DUSP15: variants seen among roughly 807,000 people sequenced by gnomAD.
DUSP15 encodes dual specificity phosphatase 15.
Under a neutral mutation model 26.3 loss-of-function variants are expected in DUSP15, and 23 were observed. The ratio of observed to expected loss-of-function variants is 0.87; its 90% CI spans 0.63 to 1.24. The LOEUF (loss-of-function observed/expected upper bound fraction) is 1.24. Ranked by LOEUF, DUSP15 falls within the 50% of genes most tolerant of loss-of-function variation. The pLI, the probability that DUSP15 is intolerant of heterozygous loss-of-function variation, is 0.00. For missense variants in DUSP15, 364 were observed against 320.6 expected, an observed-to-expected ratio of 1.14 and a Z score of -1.03; for synonymous variants, 143 against 135.5, an observed-to-expected ratio of 1.06 and a Z score of -0.39.
intron 2 of DUSP15, 31 bp downstream of exon 2, chr20:31,869,533 A>G: frequency 6.2e-7 from 1 of 1,606,932 alleles, no homozygotes; most frequent in Non-Finnish European, 8.5e-7. Flanking sequence ...GCAGAGTGCC[A>G]TGGCCTCGGG....
chr20:31,861,693 G>T lies in DUSP15; in HGVS notation c.436-18C>A. ...CGGCGAAGCTGGGGTGGGCGGGTGAGGTGGGCGGGGTCAAGGCCGGCGCGG... is the reference window on the plus strand; with the variant it reads ...CGGCGAAGCTGGGGTGGGCGGGTGATGTGGGCGGGGTCAAGGCCGGCGCGG... On this transcript the variant is annotated intron_variant, in intron 6 of 6. Coordinates refer to ENST00000339738, the MANE Select transcript of DUSP15 (RefSeq NM_080611.5). The T allele has an allele frequency of 1.5e-6, 2 of 1,342,336 alleles. No homozygotes were observed. The highest frequency in any genetic ancestry group is 1.9e-6 in the Non-Finnish European group (2 of 1,055,722). The allele number at this position is 1,342,336 out of a possible 1,614,324, so 83.2% of individuals were successfully genotyped here. A position where few individuals can be genotyped will look rare whatever the true frequency, so the allele number is the denominator to read the frequency against.
Position 31,870,389 on chromosome 20 carries a change from G to T in DUSP15, c.-52C>A. 1 of 1,279,802 alleles carries T rather than the reference G, an allele frequency of 7.8e-7. No homozygotes were observed. The highest frequency in any genetic ancestry group is 9.9e-7 in the Non-Finnish European group (1 of 1,013,792). 79.3% of individuals were successfully genotyped at this position (1,279,802 alleles called of 1,614,324 possible). A position where few individuals can be genotyped will look rare whatever the true frequency, so the allele number is the denominator to read the frequency against. On this transcript the variant is annotated 5_prime_UTR_variant, in exon 1 of 7. Coordinates refer to ENST00000339738, the MANE Select transcript of DUSP15 (RefSeq NM_080611.5). This position sits in a 1 kb window ranked among gnomAD's most constrained non-coding sequence, Gnocchi z 6.6. The stretch of plus-strand genomic sequence containing the variant: ...ACCCCCAGCTCGCCGCCCGGGAAGC[G>T]ATCCGGTCACAGCTGCCCTGACGGC...
chr20:31,852,638 G>A (rs2062490625), intron 6 of DUSP15, among the ~76,000 whole-genome samples: 1 of 152,110 alleles, frequency 6.6e-6, no homozygotes, highest in Non-Finnish European at 1.5e-5. Context: ...GTGAAACCCT[G>A]TCTCTACTAA....
Position 31,861,634 on chromosome 20 carries a change from G to T in DUSP15, c.477C>A (p.Phe159Leu), listed in dbSNP as rs1289142756. 7.4e-7 allele frequency: 1 copy of T among 1,352,034 alleles called. No homozygotes were observed. The allele number at this position is 1,352,034 out of a possible 1,614,324, so 83.8% of individuals were successfully genotyped here. ...GCGCGCGCAACTCCTCCTCGTCGCG[G>T]AAGGGGCTCTCGCCGAAGCGCTCCT... ...QLEERFGESPFRDEEELRALL... is the reference protein window; with the variant it reads ...QLEERFGESPLRDEEELRALL... The change falls in exon 7 of 7, where the codon TTC becomes TTA. Residue 159 changes from phenylalanine to leucine, a missense_variant. Coordinates refer to ENST00000339738, the MANE Select transcript of DUSP15 (RefSeq NM_080611.5).
exon 7 of DUSP15, chr20:31,850,673 C>T: frequency 6.2e-7 from 1 of 1,611,112 alleles, no homozygotes; most frequent in Non-Finnish European, 8.5e-7. Context: ...CTATGTCTGG[C>T]ACCCTGGTGA....
At chr20:31,850,916 G>A (rs971975383) in intron 6 of DUSP15, among the ~76,000 whole-genome samples, 5 of 152,194 alleles carry the variant, frequency 3.3e-5, no homozygotes, top group Non-Finnish European at 7.3e-5. Flanking sequence ...TGGGAGAAGA[G>A]GCTGTGAGGG....
At chr20:31,849,788 G>A in exon 8 of DUSP15, 1 of 1,540,686 alleles carries the variant, frequency 6.5e-7, no homozygotes, top group Non-Finnish European at 8.7e-7. Context: ...GGCCGCCCGC[G>A]GACTCAGACG....
At chr20:31,867,597 G>A (rs567901841) in intron 2 of DUSP15, among the ~76,000 whole-genome samples, 2 of 139,188 alleles carry the variant, frequency 1.4e-5, no homozygotes, top group South Asian at 4.9e-4. Flanking sequence ...ATTAAAAAGA[G>A]TTCTATATGC....
chr20:31,848,770 G>C (rs1198998231), intron 9 of DUSP15: 13 of 1,586,948 alleles, frequency 8.2e-6, no homozygotes, highest in Non-Finnish European at 1.0e-5. Context: ...GGACTGGAGG[G>C]CGTGCTTCTT....
exon 8 of DUSP15, chr20:31,849,756 G>T: frequency 6.5e-7 from 1 of 1,540,478 alleles, no homozygotes; most frequent in African/African-American, 1.4e-5. Flanking sequence ...ACGTGAGGTG[G>T]CGGCCCCAGC....
At chr20:31,858,489 G>T (rs985132771), downstream of DUSP15, among the ~76,000 whole-genome samples, 3 of 152,156 alleles carry the variant, frequency 2.0e-5, no homozygotes, top group Non-Finnish European at 4.4e-5. The surrounding 1 kb of genome is among the most constrained non-coding windows in gnomAD (Gnocchi z 4.4). Flanking sequence ...TTTCTGTTTT[G>T]TCCCCTCTCT....
downstream of DUSP15, among the ~76,000 whole-genome samples, chr20:31,846,203 G>C (rs1312468565): frequency 7.0e-6 from 1 of 143,446 alleles, no homozygotes; most frequent in Admixed American, 7.0e-5. Context: ...GACACACACA[G>C]ACACATAGGC....
intron 5 of DUSP15, chr20:31,863,560 G>A (rs2062705690): frequency 4.2e-6 from 1 of 240,712 alleles, no homozygotes; most frequent in Non-Finnish European, 8.2e-6. Context: ...CACCTCCAAG[G>A]CCTGGAGGGG....
exon 10 of DUSP15, chr20:31,847,880 G>A (rs1264768497): frequency 6.6e-6 from 1 of 152,276 alleles, no homozygotes; most frequent in Admixed American, 6.5e-5. Context: ...AAAGCCCAGG[G>A]TTCGGCCAAG....
Position 31,870,307 on chromosome 20 carries a change from C to A in DUSP15, c.21+10G>T. The A allele has an allele frequency of 1.6e-6, 2 of 1,245,868 alleles. No homozygotes were observed. Among genetic ancestry groups the A allele is most frequent in the East Asian group, 6.2e-5 (2 of 32,354 alleles). 77.2% of individuals were successfully genotyped at this position (1,245,868 alleles called of 1,614,324 possible). On this transcript the variant is annotated intron_variant, in intron 1 of 6. Transcript: ENST00000339738. This position sits in a 1 kb window ranked among gnomAD's most constrained non-coding sequence, Gnocchi z 6.6. Reference sequence around the variant, plus strand: ...GGGACCGGGGAGGCTGCGCGGGGCCCGCCCCCTACCTTGGTCATGCCATTG... The same window carrying A: ...GGGACCGGGGAGGCTGCGCGGGGCCAGCCCCCTACCTTGGTCATGCCATTG...
intron 4 of DUSP15, chr20:31,864,419 G>C: frequency 9.7e-7 from 1 of 1,033,416 alleles, no homozygotes; most frequent in Non-Finnish European, 1.2e-6. Flanking sequence ...CATCCCAAGC[G>C]GGGAGGCACT....
At chr20:31,869,418 CA>C (rs2062860732) in intron 2 of DUSP15, 145 bp downstream of exon 2, 3 of 1,094,260 alleles carry the variant, frequency 2.7e-6, no homozygotes, top group Non-Finnish European at 4.0e-6. Flanking sequence ...CCTTGTCCTC[CA>C]TCAGCCTTTT....
At chr20:31,866,554 G>C (rs905032581) in intron 3 of DUSP15, among the ~76,000 whole-genome samples, 3 of 152,174 alleles carry the variant, frequency 2.0e-5, no homozygotes, top group Admixed American at 6.5e-5. Context: ...CCCAGGACTT[G>C]ATAATACCAG....
At chr20:31,862,317 G>C (rs112160047) in intron 6 of DUSP15, among the ~76,000 whole-genome samples, 3,150 of 152,240 alleles carry the variant, frequency 0.021, 124 homozygotes, top group African/African-American at 0.072. Context: ...CAGTGGGGAG[G>C]GCTGGAAGAC....
Sources: gnomAD v4.1 joint callset for allele counts (sites outside exome capture counted in the v4.1 genomes callset) on GRCh38, gnomAD v4.1.1 for gene constraint, Gnocchi (gnomAD v3.1) non-coding constraint, MANE v1.5 for transcripts, NCBI Gene and HGNC (gene_info 2026-07-23, HGNC 2026-07-21) for gene names.